ZNF521: variants seen among roughly 807,000 people sequenced by gnomAD.
The protein encoded by ZNF521 is LYST-interacting protein 3.
ZNF521 carries 14 observed loss-of-function variants against 105.5 expected under a neutral mutation model. The ratio of observed to expected loss-of-function variants is 0.13; its 90% CI spans 0.09 to 0.21. The LOEUF is 0.21. Among genes scored for constraint, ZNF521 ranks in the 10% least tolerant of loss-of-function variants. The probability of loss-of-function intolerance (pLI) is 1.00; values close to 1 mark genes in which losing one functional copy is unlikely to be tolerated. For missense variants in ZNF521, 1,233 were observed against 1,629.7 expected (o/e 0.76, Z 4.19); for synonymous variants, 635 against 606.0 (o/e 1.05, Z -0.70).
At position 25,138,635 on chromosome 18, in the gene ZNF521, G is replaced by A. The variant is rs192055018; in HGVS notation, c.3659-46554C>T. Among the ~76,000 whole-genome samples the A allele has an allele frequency of 1.1e-4, 16 of 152,192 alleles. No homozygotes were observed. The East Asian group carries it at 3.1e-3, about 29-fold the overall frequency. On this transcript the variant is annotated intron_variant, in intron 5 of 7. Coordinates refer to ENST00000361524, the MANE Select transcript of ZNF521 (RefSeq NM_015461.3). Reference sequence around the variant, plus strand: ...CAAAGCTAATGAACAGAAAATGTATGATCAAAAAATAATAGTTGCAGGTGA... The same window carrying A: ...CAAAGCTAATGAACAGAAAATGTATAATCAAAAAATAATAGTTGCAGGTGA...
chr18:25,349,766 G>T (rs1308180316), intron 2 of ZNF521, among the ~76,000 whole-genome samples: 3 of 150,556 alleles, frequency 2.0e-5, no homozygotes, highest in Non-Finnish European at 4.4e-5. Context: ...CGGGCCGCGC[G>T]GACCTCGGCG....
At chr18:25,085,504 T>C (rs2033601130) in intron 7 of ZNF521, among the ~76,000 whole-genome samples, 1 of 151,930 alleles carries the variant, frequency 6.6e-6, no homozygotes, top group Non-Finnish European at 1.5e-5. Context: ...GAACAATGTA[T>C]AGTGAAGAAT....
At chr18:25,169,561 A>C (rs1470344933) in intron 5 of ZNF521, among the ~76,000 whole-genome samples, 2 of 152,222 alleles carry the variant, frequency 1.3e-5, no homozygotes, top group Non-Finnish European at 2.9e-5. Context: ...AGACTAGTTT[A>C]AAATAATTAA....
chr18:25,080,379 G>A (rs1431621123), intron 7 of ZNF521, among the ~76,000 whole-genome samples: 1 of 152,182 alleles, frequency 6.6e-6, no homozygotes, highest in African/African-American at 2.4e-5. Flanking sequence ...CCACATCTCA[G>A]GCTTTTACAG....
intron 3 of ZNF521, among the ~76,000 whole-genome samples, chr18:25,300,501 T>A (rs1170193497): frequency 1.3e-5 from 2 of 152,210 alleles, no homozygotes; most frequent in Non-Finnish European, 2.9e-5. Flanking sequence ...CAGTCTTATG[T>A]TGGCATCTCT....
chr18:25,262,029 C>T (rs193191201), intron 3 of ZNF521, among the ~76,000 whole-genome samples: 30 of 152,234 alleles, frequency 2.0e-4, no homozygotes, highest in African/African-American at 7.2e-4. Context: ...AATTAAGAGA[C>T]AGTAGCACAA....
intron 4 of ZNF521, among the ~76,000 whole-genome samples, chr18:25,205,763 G>A (rs2036067786): frequency 2.0e-5 from 3 of 152,064 alleles, no homozygotes; most frequent in Non-Finnish European, 4.4e-5. Context: ...TAAGTATATG[G>A]TTTCTGTCCT....
At chr18:25,271,191 ATACT>A (rs751742778) in intron 3 of ZNF521, among the ~76,000 whole-genome samples, 20 of 152,204 alleles carry the variant, frequency 1.3e-4, no homozygotes, top group Non-Finnish European at 2.2e-4. Context: ...GGAGAATAAA[ATACT>A]TAGGAATACA....
At chr18:25,113,973 C>G (rs2055182231) in intron 5 of ZNF521, among the ~76,000 whole-genome samples, 2 of 135,366 alleles carry the variant, frequency 1.5e-5, no homozygotes, top group Non-Finnish European at 3.2e-5. Context: ...GAAGGGTAAA[C>G]AAAAAATAAA....
At chr18:25,128,855 ATTG>A (rs546156392) in intron 5 of ZNF521, among the ~76,000 whole-genome samples, 7 of 152,092 alleles carry the variant, frequency 4.6e-5, no homozygotes, top group Non-Finnish European at 7.4e-5. Context: ...ACAACTCAAT[ATTG>A]TTAAGATGTC....
At chr18:25,232,561 T>C (rs1396314611) in intron 3 of ZNF521, among the ~76,000 whole-genome samples, 3 of 152,120 alleles carry the variant, frequency 2.0e-5, no homozygotes, top group African/African-American at 7.2e-5. Flanking sequence ...AGCAAGAAAA[T>C]AAAAGATAAA....
At chr18:25,351,883 G>GGCGGCAGCA (rs879904108) in intron 1 of ZNF521, 122 bp downstream of exon 1, 3,179 of 274,784 alleles carry the variant, frequency 0.012, 39 homozygotes, top group Middle Eastern at 0.037. Flanking sequence ...CGGCAGCGGC[G>GGCGGCAGCA]GCGGCAGCAG....
At chr18:25,219,436 C>G (rs939895581) in intron 4 of ZNF521, among the ~76,000 whole-genome samples, 2 of 152,134 alleles carry the variant, frequency 1.3e-5, no homozygotes, top group African/African-American at 4.8e-5. Context: ...TATTTGGGAC[C>G]CACTGAGTTT....
At chr18:25,338,833 ATAAT>A (rs1914043902) in intron 2 of ZNF521, among the ~76,000 whole-genome samples, 1 of 152,260 alleles carries the variant, frequency 6.6e-6, no homozygotes, top group South Asian at 2.1e-4. Flanking sequence ...AAGCAGAAAC[ATAAT>A]TAGATGACTA....
chr18:25,262,376 T>C (rs1298546258), intron 3 of ZNF521, among the ~76,000 whole-genome samples: 1 of 152,232 alleles, frequency 6.6e-6, no homozygotes, highest in Non-Finnish European at 1.5e-5. Context: ...CTCACAGTGC[T>C]TGAATGATTT....
At chr18:25,193,565 A>C (rs1202815970) in intron 5 of ZNF521, among the ~76,000 whole-genome samples, 1 of 152,018 alleles carries the variant, frequency 6.6e-6, no homozygotes, top group Admixed American at 6.6e-5. Context: ...AAGAGACGGG[A>C]AATATTAACA....
rs1906225603 is a variant in ZNF521 at position 25,227,265 on chromosome 18, T to C, written c.653A>G (p.His218Arg). ...CCTCTCATGAACCTGCATGTGTCCG[T>C]GTAAGGAACTAGAGGACAGAAACCC... The part of the protein sequence containing the change: ...RRGFLSSSSL[H>R]GHMQVHERNK... Residue 218 changes from histidine (H) to arginine (R), a missense_variant, in exon 4 of 8, where the codon CAC (histidine) becomes CGC (arginine). Around this residue, in one of 6 missense-constraint regions of ZNF521, gnomAD observed 380 missense variants for 478.0 expected, o/e 0.80. Transcript: ENST00000361524. The surrounding 1 kb of genome is among the most constrained non-coding windows in gnomAD (Gnocchi z 5.7). 11 of 1,614,108 alleles carry C rather than the reference T, an allele frequency of 6.8e-6. No individual in the cohort carries two copies. The highest frequency in any genetic ancestry group is 9.3e-6 in the Non-Finnish European group (11 of 1,180,012).
chr18:25,288,761 C>T (rs192280786), intron 3 of ZNF521, among the ~76,000 whole-genome samples: 11 of 152,254 alleles, frequency 7.2e-5, no homozygotes, highest in Non-Finnish European at 1.6e-4. Context: ...TTCCTAGGTA[C>T]AATAACTGTC....
chr18:25,131,353 C>T (rs1181972534), intron 5 of ZNF521, among the ~76,000 whole-genome samples: 1 of 152,154 alleles, frequency 6.6e-6, no homozygotes, highest in Non-Finnish European at 1.5e-5. Context: ...CCATTCATCC[C>T]ACGTACAATT....
Sources: gnomAD v4.1 joint callset for allele counts (sites outside exome capture counted in the v4.1 genomes callset) on GRCh38, gnomAD v4.1.1 for gene constraint, gnomAD v4.1.1 regional missense constraint, Gnocchi (gnomAD v3.1) non-coding constraint, MANE v1.5 for transcripts, NCBI Gene and HGNC (gene_info 2026-07-23, HGNC 2026-07-21) for gene names.